The following ZZEF1 variants were observed in gnomAD, a reference collection of about 807,000 sequenced individuals.
The protein encoded by ZZEF1 is zinc finger ZZ-type and EF-hand domain containing 1.
In ZZEF1, 157 loss-of-function variants were observed where a neutral mutation model predicts 342.8. That is an observed-to-expected ratio of 0.46 (90% CI 0.40 to 0.52). The LOEUF is 0.52. ZZEF1 is among the 20% of genes least tolerant of loss of function. ZZEF1 has a pLI of 0.00. For synonymous variants in ZZEF1, 1,505 were observed against 1,429.1 expected (o/e 1.05, Z -1.20); for missense variants, 3,480 against 3,725.6 (o/e 0.93, Z 1.72).
In ZZEF1 at chr17:4,137,382, G is replaced by A. The variant is rs1260265982; in HGVS notation, c.354+5160C>T. Among the ~76,000 whole-genome samples, 6 of 152,254 alleles carry A rather than the reference G, an allele frequency of 3.9e-5. 1 individual carries two copies. In the South Asian group the frequency reaches 6.2e-4, roughly 16 times the overall value. ...TCCCAGCACTTTGGGAGGCCGAGGTGGGCGGATCACAAGGTCAGGAGATCG... is the reference window on the plus strand; with the variant it reads ...TCCCAGCACTTTGGGAGGCCGAGGTAGGCGGATCACAAGGTCAGGAGATCG... On this transcript the variant is annotated intron_variant, in intron 1 of 54. Transcript: ENST00000381638.
chr17:4,066,586 A>C (rs2057402567), intron 27 of ZZEF1, 46 bp from the exon 28 acceptor site: 3 of 1,556,448 alleles, frequency 1.9e-6, no homozygotes, highest in Non-Finnish European at 2.7e-6. Context: ...CAGGCAGGGA[A>C]GCAAGGACAG....
Position 4,081,360 on chromosome 17 carries a change from G to C in ZZEF1, c.2829+16C>G. ...AAGCATGAGACAAAGAAAACAGGGA[G>C]GCAGCCACTGGATACCTCTCGAGCA... On this transcript the variant is annotated intron_variant, in intron 18 of 54. Coordinates refer to ENST00000381638, the MANE Select transcript of ZZEF1 (RefSeq NM_015113.4). The C allele has an allele frequency of 6.2e-7, 1 of 1,606,726 alleles. No individual in the cohort carries two copies. The highest frequency in any genetic ancestry group is 8.5e-7 in the Non-Finnish European group (1 of 1,174,864).
chr17:4,077,823 A>AAC, intron 19 of ZZEF1, 60 bp downstream of exon 19: 1 of 1,568,404 alleles, frequency 6.4e-7, no homozygotes, highest in Non-Finnish European at 8.7e-7. Context: ...TAAAGAAGAG[A>AAC]ACACTCAGAG....
chr17:4,125,071 G>A (rs1234909308), intron 1 of ZZEF1, among the ~76,000 whole-genome samples: 4 of 152,176 alleles, frequency 2.6e-5, no homozygotes, highest in South Asian at 2.1e-4. Flanking sequence ...AAAGCACATC[G>A]GCCCTGTAGT....
chr17:4,058,254 G>A lies in ZZEF1; in HGVS notation c.5004-99C>T, dbSNP rs561006033. The A allele has an allele frequency of 2.1e-4, 279 of 1,305,978 alleles. 1 individual carries two copies. In the African/African-American group the frequency reaches 3.6e-3, roughly 17 times the overall value. The allele number at this position is 1,305,978 out of a possible 1,614,324, so 80.9% of individuals were successfully genotyped here. A position where few individuals can be genotyped will look rare whatever the true frequency, so the allele number is the denominator to read the frequency against. On this transcript the variant is annotated intron_variant, in intron 31 of 54. Coordinates refer to ENST00000381638, the MANE Select transcript of ZZEF1 (RefSeq NM_015113.4). ...GTGACCTGGTTTGCAATTGAAAGCAGAAGGGAACTTCACATTGCTGGTTTG... is the reference window on the plus strand; with the variant it reads ...GTGACCTGGTTTGCAATTGAAAGCAAAAGGGAACTTCACATTGCTGGTTTG...
At position 4,059,254 on chromosome 17, in the gene ZZEF1, T is replaced by C; in HGVS notation, c.4920A>G (p.Leu1640=). 3.1e-6 allele frequency: 5 copies of C among 1,607,482 alleles called. 1 individual carries two copies. The South Asian group carries it at 5.6e-5, about 18-fold the overall frequency. Residue 1640 remains leucine (L), a synonymous_variant, in exon 31 of 55, where the codon CTA becomes CTG. Transcript: ENST00000381638. ...AGTAAGTGTCTCGAATTTCTTTGTG[T>C]AGATCAGCACCACAGCCTTCCAGGT... ...FGHLEGCGAD[L]HKEIRDTYYQ...
chr17:4,068,092 A>C (rs2057437150), intron 26 of ZZEF1, among the ~76,000 whole-genome samples: 1 of 152,186 alleles, frequency 6.6e-6, no homozygotes, highest in South Asian at 2.1e-4. Context: ...AACAAACAAA[A>C]AAATAAAATG....
In ZZEF1 at chr17:4,017,996, A is replaced by T. The variant is rs1245264588; in HGVS notation, c.7506-25T>A. The T allele has an allele frequency of 6.2e-7, 1 of 1,611,166 alleles. No homozygotes were observed. Among genetic ancestry groups the T allele is most frequent in the African/African-American group, 1.3e-5 (1 of 74,918 alleles). ...CCTGCAGAAGGGCAGCACAAAGTTG[A>T]GTACCAACAGTGTAGACAGGCCAGT... On this transcript the variant is annotated intron_variant, in intron 46 of 54. Coordinates refer to ENST00000381638, the MANE Select transcript of ZZEF1 (RefSeq NM_015113.4). The surrounding 1 kb of genome is among the most constrained non-coding windows in gnomAD (Gnocchi z 5.1).
At chr17:4,106,845 C>T (rs1036538802) in intron 6 of ZZEF1, among the ~76,000 whole-genome samples, 14 of 152,216 alleles carry the variant, frequency 9.2e-5, no homozygotes, top group African/African-American at 2.7e-4. Context: ...CAAAATTCTA[C>T]AACTGATAGT....
intron 30 of ZZEF1, 140 bp from the exon 31 acceptor site, chr17:4,059,430 T>A (rs1365451573): frequency 1.7e-5 from 17 of 1,029,690 alleles, no homozygotes; most frequent in Admixed American, 3.2e-5. Context: ...AATACAAATA[T>A]AATACCTATA....
chr17:4,134,649 C>T (rs2058719845), intron 1 of ZZEF1, among the ~76,000 whole-genome samples: 1 of 151,924 alleles, frequency 6.6e-6, no homozygotes, highest in African/African-American at 2.4e-5. Context: ...TAGGTACTAC[C>T]TTTTTGCTGG....
At chr17:4,053,215 T>C (rs1422259037) in intron 34 of ZZEF1, among the ~76,000 whole-genome samples, 3 of 152,204 alleles carry the variant, frequency 2.0e-5, no homozygotes, top group African/African-American at 4.8e-5. Flanking sequence ...TCTAGACTAT[T>C]CAAACTCCTT....
At position 4,016,202 on chromosome 17, in the gene ZZEF1, C is replaced by G; in HGVS notation, c.8145+121G>C. 1.6e-6 allele frequency: 2 copies of G among 1,231,598 alleles called. No homozygotes were observed. The highest frequency in any genetic ancestry group is 2.3e-6 in the Non-Finnish European group (2 of 885,016). 76.3% of individuals were successfully genotyped at this position (1,231,598 alleles called of 1,614,324 possible). On this transcript the variant is annotated intron_variant, in intron 49 of 54. Transcript: ENST00000381638. This position sits in a 1 kb window ranked among gnomAD's most constrained non-coding sequence, Gnocchi z 4.4. ...CAAGGAAGCACTTTCCTGGACAGGT[C>G]TCTGCTGTCCAGCGGGAGAGAGCCA...
intron 27 of ZZEF1, among the ~76,000 whole-genome samples, chr17:4,066,771 G>T (rs1168065943): frequency 6.6e-6 from 1 of 152,138 alleles, no homozygotes; most frequent in Non-Finnish European, 1.5e-5. Flanking sequence ...AAGAAGCTGA[G>T]ATCTAGAGAA....
At chr17:4,134,926 T>C (rs1226006336) in intron 1 of ZZEF1, among the ~76,000 whole-genome samples, 1 of 151,916 alleles carries the variant, frequency 6.6e-6, no homozygotes, top group Non-Finnish European at 1.5e-5. Context: ...GGAGACAGAC[T>C]GTCAGCATAC....
At chr17:4,078,499 T>A (rs928236998) in intron 18 of ZZEF1, among the ~76,000 whole-genome samples, 1 of 152,190 alleles carries the variant, frequency 6.6e-6, no homozygotes, top group African/African-American at 2.4e-5. Flanking sequence ...GTACACTATA[T>A]GATTCCATTA....
rs1271802073 is a variant in ZZEF1, at chr17:4,086,529, T to G, written c.2469A>C (p.Lys823Asn). The stretch of plus-strand genomic sequence containing the variant: ...ACAGCTCCTTGGCAGCCTCTACTCC[T>G]TTAGGGCTTTGGATTGGAGCCTTTT... ...EEEKAPIQSP[K>N]GVEAAKELYT... Residue 823 changes from lysine to asparagine, a missense_variant, in exon 15 of 55, where the codon AAA (lysine) becomes AAC (asparagine). Transcript: ENST00000381638. 3.7e-6 allele frequency: 6 copies of G among 1,614,182 alleles called. No homozygotes were observed. The highest frequency in any genetic ancestry group is 1.6e-4 in the Middle Eastern group (1 of 6,062).
intron 31 of ZZEF1, among the ~76,000 whole-genome samples, chr17:4,058,786 A>G (rs922967779): frequency 1.3e-5 from 2 of 152,190 alleles, no homozygotes; most frequent in African/African-American, 4.8e-5. Context: ...TGAGGTGAGT[A>G]GATCAATTGA....
At chr17:4,114,938 A>ATT (rs2058370399) in intron 3 of ZZEF1, among the ~76,000 whole-genome samples, 1 of 152,114 alleles carries the variant, frequency 6.6e-6, no homozygotes, top group Admixed American at 6.6e-5. Flanking sequence ...TAATTCATAC[A>ATT]TTTTCTATAC....
Sources: gnomAD v4.1 joint callset for allele counts (sites outside exome capture counted in the v4.1 genomes callset) on GRCh38, gnomAD v4.1.1 for gene constraint, Gnocchi (gnomAD v3.1) non-coding constraint, MANE v1.5 for transcripts, NCBI Gene and HGNC (gene_info 2026-07-23, HGNC 2026-07-21) for gene names.